The following ATAD2 variants were observed in gnomAD, a reference collection of about 807,000 sequenced individuals.
The protein encoded by ATAD2 is ATPase family AAA domain containing 2.
In ATAD2, 62 loss-of-function variants were observed where a neutral mutation model predicts 168.9. The observed-to-expected ratio is 0.37, with a 90% CI of 0.30 to 0.45. The LOEUF (loss-of-function observed/expected upper bound fraction) is 0.45, where lower values mean the gene tolerates loss of function less well. Ranked by LOEUF, ATAD2 falls within the 20% of genes least tolerant of loss-of-function variation. The pLI is 1.00. For synonymous variants in ATAD2, 613 were observed against 571.6 expected (o/e 1.07, Z -1.03); for missense variants, 1,419 against 1,667.8 (o/e 0.85, Z 2.60).
chr8:123,340,380 T>C (rs1337761002), intron 19 of ATAD2, among the ~76,000 whole-genome samples: 2 of 152,202 alleles, frequency 1.3e-5, no homozygotes, highest in African/African-American at 4.8e-5. Flanking sequence ...TGTAAAATAG[T>C]GTAGCTGCGG....
rs758433348 is a variant in ATAD2, at chr8:123,347,375, A to G, written c.1929T>C (p.Cys643=). ...GYCGADIKSI[C]AEAALCALRR... ...GTAAAGCACATAAAGCAGCTTCAGC[A>G]CATATTGATTTAATATCTGCTCCAC... The change falls in exon 16 of 28, where the codon TGT becomes TGC. Residue 643 remains cysteine, a synonymous_variant. Transcript: ENST00000287394. The G allele has an allele frequency of 8.1e-6, 13 of 1,613,370 alleles. No homozygotes were observed. Among genetic ancestry groups the G allele is most frequent in the South Asian group, 1.1e-5 (1 of 91,038 alleles).
chr8:123,348,316 A>C, intron 14 of ATAD2, 43 bp from the exon 15 acceptor site: 1 of 1,297,580 alleles, frequency 7.7e-7, no homozygotes, highest in Non-Finnish European at 1.1e-6. Context: ...TATAATAATA[A>C]ATGCTATTCA....
At chr8:123,333,113 G>T (rs984326788) in intron 24 of ATAD2, among the ~76,000 whole-genome samples, 1 of 151,794 alleles carries the variant, frequency 6.6e-6, no homozygotes, top group Non-Finnish European at 1.5e-5. Flanking sequence ...GAATGGCCAG[G>T]CGCAGTGGCT....
chr8:123,325,322 G>A (rs745432809), intron 26 of ATAD2, among the ~76,000 whole-genome samples: 2 of 150,028 alleles, frequency 1.3e-5, no homozygotes, highest in Non-Finnish European at 1.5e-5. Context: ...AGTCTCTATC[G>A]CCCAGGCTGG....
At chr8:123,362,254 C>G (rs998763333) in intron 8 of ATAD2, among the ~76,000 whole-genome samples, 35 of 149,990 alleles carry the variant, frequency 2.3e-4, no homozygotes, top group African/African-American at 8.6e-4. Flanking sequence ...GATTGCACCA[C>G]TGCACTGCAG....
At chr8:123,395,325 G>A (rs574469296) in intron 1 of ATAD2, among the ~76,000 whole-genome samples, 2 of 152,280 alleles carry the variant, frequency 1.3e-5, no homozygotes, top group African/African-American at 4.8e-5. Context: ...GGAGGTGGAT[G>A]GGAGGGGAGT....
chr8:123,335,080 C>G (rs1409019067), intron 22 of ATAD2, among the ~76,000 whole-genome samples: 2 of 152,054 alleles, frequency 1.3e-5, no homozygotes, highest in African/African-American at 4.8e-5. Flanking sequence ...AATCAGAAAC[C>G]CTAGAGATGG....
At chr8:123,347,650 T>A (rs904456285) in intron 15 of ATAD2, among the ~76,000 whole-genome samples, 1 of 151,932 alleles carries the variant, frequency 6.6e-6, no homozygotes, top group African/African-American at 2.4e-5. Context: ...AGCACAGAGG[T>A]CAAAAGCAAG....
chr8:123,343,026 C>T (rs1265046641), intron 19 of ATAD2, among the ~76,000 whole-genome samples: 3 of 151,668 alleles, frequency 2.0e-5, no homozygotes, highest in Non-Finnish European at 2.9e-5. Flanking sequence ...GCTTTGTCGC[C>T]CCAGCTGGAG....
intron 27 of ATAD2, among the ~76,000 whole-genome samples, chr8:123,322,337 A>G (rs1827490860): frequency 6.6e-6 from 1 of 152,226 alleles, no homozygotes; most frequent in African/African-American, 2.4e-5. Flanking sequence ...TACACACAAA[A>G]GGGGTATTCA....
intron 26 of ATAD2, 91 bp downstream of exon 26, chr8:123,325,802 T>A: frequency 6.7e-7 from 1 of 1,482,938 alleles, no homozygotes; most frequent in Non-Finnish European, 9.2e-7. Context: ...TTCATGTAAA[T>A]CCCATGTAGC....
At chr8:123,358,577 A>G (rs1828716901) in intron 11 of ATAD2, among the ~76,000 whole-genome samples, 1 of 151,942 alleles carries the variant, frequency 6.6e-6, no homozygotes, top group African/African-American at 2.4e-5. Flanking sequence ...TGAACTCCGG[A>G]CCTTGTGATC....
Position 123,369,089 on chromosome 8 carries a change from G to A in ATAD2, c.1018C>T (p.Pro340Ser), listed in dbSNP as rs1829061351. The A allele has an allele frequency of 6.3e-7, 1 of 1,594,886 alleles. No individual in the cohort carries two copies. Among genetic ancestry groups the A allele is most frequent in the Non-Finnish European group, 8.6e-7 (1 of 1,167,234 alleles). Residue 340 changes from proline (P) to serine (S), a missense_variant, in exon 8 of 28, where the codon CCA becomes TCA. By Grantham distance (74) the Pro-to-Ser change is moderately conservative. Around this residue, in one of 5 missense-constraint regions of ATAD2, gnomAD observed 419 missense variants for 423.5 expected, o/e 0.99. Coordinates refer to ENST00000287394, the MANE Select transcript of ATAD2 (RefSeq NM_014109.4). Reference sequence around the variant, plus strand: ...ATTCGTTTACAGTAAGGACTTCTTGGTCCTGCGGAAGATAATCGGTATCTT... The same window carrying A: ...ATTCGTTTACAGTAAGGACTTCTTGATCCTGCGGAAGATAATCGGTATCTT... ...RPRYRLSSAGPRSPYCKRMNR... is the reference protein window; with the variant it reads ...RPRYRLSSAGSRSPYCKRMNR...
At chr8:123,354,864 A>AAAATAAATATATATATATATATATAT (rs1554644338) in intron 13 of ATAD2, among the ~76,000 whole-genome samples, 1 of 64,708 alleles carries the variant, frequency 1.5e-5, no homozygotes, top group African/African-American at 8.7e-5. Flanking sequence ...AAAAAAAAAA[A>AAAATAAATATATATATATATATATAT]ATATATATAT....
intron 2 of ATAD2, among the ~76,000 whole-genome samples, chr8:123,373,961 A>T (rs1829232627): frequency 1.3e-5 from 2 of 152,198 alleles, no homozygotes; most frequent in South Asian, 4.1e-4. Context: ...AACTTAAAGT[A>T]AAATAAAACC....
chr8:123,411,297 G>A lies in ATAD2; in HGVS notation c.-2282+4951C>T, dbSNP rs144554723. Among the ~76,000 whole-genome samples the A allele has an allele frequency of 2.4e-3, 365 of 152,204 alleles. 2 individuals carry two copies. Among genetic ancestry groups the A allele is most frequent in the African/African-American group, 8.4e-3 (348 of 41,522 alleles). On this transcript the variant is annotated intron_variant, in intron 1 of 28. Coordinates refer to the ATAD2 transcript ENST00000521903. ...GGACTGGCCTGCTAGCCCATGCTCC[G>A]ATGTTAATGACATCGAAGGCACCCC...
intron 1 of ATAD2, among the ~76,000 whole-genome samples, chr8:123,393,841 C>A (rs901260003): frequency 2.6e-5 from 4 of 151,828 alleles, no homozygotes; most frequent in African/African-American, 9.7e-5. Flanking sequence ...CACTTGAACC[C>A]GGGAGGCGGA....
At position 123,346,422 on chromosome 8, in the gene ATAD2, C is replaced by A. The variant is rs571973163; in HGVS notation, c.2346-150G>T. 576 of 995,718 alleles carry A rather than the reference C, an allele frequency of 5.8e-4. 1 individual carries two copies. The highest frequency in any genetic ancestry group is 8.2e-4 in the Admixed American group (24 of 29,418). The allele number at this position is 995,718 out of a possible 1,614,324, so 61.7% of individuals were successfully genotyped here. ...GGTTCACATAGTTTCTGGAAACTGA[C>A]CCCCAAAGGTTTTTAGGAATATTTT... On this transcript the variant is annotated intron_variant, in intron 17 of 27. Transcript: ENST00000287394.
At chr8:123,371,053 G>T in intron 5 of ATAD2, 63 bp from the exon 6 acceptor site, 1 of 1,308,452 alleles carries the variant, frequency 7.6e-7, no homozygotes, top group Non-Finnish European at 1.0e-6. Context: ...AATTAAGTTG[G>T]ATCCTCCAAT....
Sources: gnomAD v4.1 joint callset for allele counts (sites outside exome capture counted in the v4.1 genomes callset) on GRCh38, gnomAD v4.1.1 for gene constraint, gnomAD v4.1.1 regional missense constraint, MANE v1.5 for transcripts, NCBI Gene and HGNC (gene_info 2026-07-23, HGNC 2026-07-21) for gene names.